The following HTR4 variants were observed in gnomAD, a reference collection of about 807,000 sequenced individuals.
HTR4 encodes 5-hydroxytryptamine receptor 4, also known as 5-hydroxytryptamine (serotonin) receptor 4, G protein-coupled.
HTR4 carries 16 observed loss-of-function variants against 36.8 expected under a neutral mutation model. That is an observed-to-expected ratio of 0.43 (90% CI 0.29 to 0.66). The LOEUF is 0.66. Ranked by LOEUF, HTR4 falls within the 30% of genes least tolerant of loss-of-function variation. HTR4 has a pLI of 0.13. For missense variants in HTR4, 438 were observed against 490.9 expected (o/e 0.89, Z 1.02); for synonymous variants, 189 against 185.1 (o/e 1.02, Z -0.17).
intron 5 of HTR4, chr5:148,461,724 AG>A (rs1755282866): frequency 6.6e-6 from 1 of 152,096 alleles, no homozygotes; most frequent in Non-Finnish European, 1.5e-5. Flanking sequence ...GCAGAAAATT[AG>A]TTAAGGGCAT....
In HTR4 at chr5:148,606,680, G is replaced by GT. The variant is rs1482495167; in HGVS notation, c.26+30308dup. 2.0e-5 allele frequency among the ~76,000 whole-genome samples: 3 copies of GT among 152,122 alleles called. No individual in the cohort carries two copies. The East Asian group carries it at 5.8e-4, about 29-fold the overall frequency. Reference sequence around the variant, plus strand: ...CATACATATTCAACTCTGTATGATGGTTAAAAACCAGCTTCTGAGTTATTT... The same window carrying GT: ...CATACATATTCAACTCTGTATGATGGTTTAAAAACCAGCTTCTGAGTTATTT... On this transcript the variant is annotated intron_variant, in intron 2 of 6. Transcript: ENST00000377888.
chr5:148,565,705 G>T (rs1434854764), intron 2 of HTR4, among the ~76,000 whole-genome samples: 6 of 152,148 alleles, frequency 3.9e-5, no homozygotes, highest in African/African-American at 1.4e-4. Context: ...GAAGATGAGG[G>T]AGTGAAGGTG....
At position 148,569,865 on chromosome 5, in the gene HTR4, T is replaced by A. The variant is rs750991797; in HGVS notation, c.27-19603A>T. Among the ~76,000 whole-genome samples the A allele has an allele frequency of 1.8e-4, 28 of 152,040 alleles. 1 individual carries two copies. Among genetic ancestry groups the A allele is most frequent in the Admixed American group, 1.5e-3 (23 of 15,244 alleles). On this transcript the variant is annotated intron_variant, in intron 2 of 6. Coordinates refer to ENST00000377888, the MANE Select transcript of HTR4 (RefSeq NM_000870.7). ...AATCATAAATATTTTGGGCAGGGTA[T>A]TGAAGATGATGGGAGACTTCTTCAT...
chr5:148,472,432 T>C (rs558127544), downstream of HTR4, among the ~76,000 whole-genome samples: 4 of 152,352 alleles, frequency 2.6e-5, no homozygotes, highest in African/African-American at 9.6e-5. Flanking sequence ...GACCCACGTG[T>C]CTTTGCCAAT....
intron 5 of HTR4, among the ~76,000 whole-genome samples, chr5:148,451,864 C>T (rs1159562202): frequency 6.6e-6 from 1 of 152,202 alleles, no homozygotes; most frequent in Non-Finnish European, 1.5e-5. Flanking sequence ...CATACAATTG[C>T]ACTCAATATC....
intron 4 of HTR4, among the ~76,000 whole-genome samples, chr5:148,543,178 G>GA (rs902840136): frequency 2.0e-5 from 3 of 152,052 alleles, no homozygotes; most frequent in African/African-American, 7.3e-5. Context: ...CCCAGCCTAA[G>GA]AAAAAAATCT....
rs77906151 is a variant in HTR4, at chr5:148,588,276, T to A, written c.27-38014A>T. Reference sequence around the variant, plus strand: ...CTTTAACAATTTTTAAAACAATTTCTAATTCTGAAATGTTCCAAAAAGTAC... The same window carrying A: ...CTTTAACAATTTTTAAAACAATTTCAAATTCTGAAATGTTCCAAAAAGTAC... On this transcript the variant is annotated intron_variant, in intron 2 of 6. Coordinates refer to ENST00000377888, the MANE Select transcript of HTR4 (RefSeq NM_000870.7). Among the ~76,000 whole-genome samples the A allele has an allele frequency of 1.6e-3, 251 of 152,318 alleles. 3 individuals are homozygous for A. The highest frequency in any genetic ancestry group is 5.7e-3 in the African/African-American group (236 of 41,568).
chr5:148,474,003 G>A (rs1581349042), downstream of HTR4, among the ~76,000 whole-genome samples: 1 of 151,948 alleles, frequency 6.6e-6, no homozygotes, highest in East Asian at 1.9e-4. Context: ...AGTCTTACAA[G>A]TTCAGTGTTT....
intron 6 of HTR4, chr5:148,484,194 C>T: frequency 1.3e-6 from 2 of 1,512,498 alleles, no homozygotes; most frequent in Admixed American, 1.9e-5. Flanking sequence ...TTAGTGTCAT[C>T]TGCCTTTTAG....
intron 2 of HTR4, among the ~76,000 whole-genome samples, chr5:148,563,565 G>A (rs1002235944): frequency 2.6e-5 from 4 of 152,118 alleles, no homozygotes; most frequent in African/African-American, 9.7e-5. Context: ...CTAGCACATA[G>A]TAGTGCTGTG....
At chr5:148,504,011 AC>A (rs1757059845) in intron 6 of HTR4, among the ~76,000 whole-genome samples, 1 of 152,224 alleles carries the variant, frequency 6.6e-6, no homozygotes, top group Non-Finnish European at 1.5e-5. Flanking sequence ...TTAGAGACCT[AC>A]AAAGAGACTT....
At chr5:148,495,016 A>C (rs948877921) in intron 6 of HTR4, among the ~76,000 whole-genome samples, 1 of 152,186 alleles carries the variant, frequency 6.6e-6, no homozygotes, top group African/African-American at 2.4e-5. Context: ...TTCTTTGGAA[A>C]GTGCTTGCAA....
At chr5:148,653,453 T>C (rs1023251157) in intron 1 of HTR4, among the ~76,000 whole-genome samples, 3 of 152,106 alleles carry the variant, frequency 2.0e-5, no homozygotes, top group Admixed American at 6.5e-5. Flanking sequence ...GAAATCGGGA[T>C]TGGGATTCTG....
At chr5:148,470,161 C>T (rs913533841) in intron 5 of HTR4, among the ~76,000 whole-genome samples, 9 of 152,184 alleles carry the variant, frequency 5.9e-5, no homozygotes, top group Non-Finnish European at 1.3e-4. Context: ...TTAATATTCA[C>T]AAGTATTTTT....
At chr5:148,565,108 T>TAA (rs75435936) in intron 2 of HTR4, among the ~76,000 whole-genome samples, 4 of 124,862 alleles carry the variant, frequency 3.2e-5, no homozygotes, top group Non-Finnish European at 3.5e-5. Context: ...AGACTCCATC[T>TAA]AAAAAAAAAA....
chr5:148,497,760 T>G (rs757002567), intron 6 of HTR4, among the ~76,000 whole-genome samples: 7 of 152,198 alleles, frequency 4.6e-5, no homozygotes, highest in African/African-American at 7.2e-5. Flanking sequence ...GAATCTGAGT[T>G]TGCACATTTG....
At chr5:148,619,633 T>C (rs1752841112) in intron 2 of HTR4, among the ~76,000 whole-genome samples, 1 of 152,114 alleles carries the variant, frequency 6.6e-6, no homozygotes. Flanking sequence ...CCACACAGCC[T>C]AGCCATCGAC....
chr5:148,478,725 G>A (rs1755785192), downstream of HTR4, among the ~76,000 whole-genome samples: 1 of 151,992 alleles, frequency 6.6e-6, no homozygotes, highest in Non-Finnish European at 1.5e-5. Flanking sequence ...TTATGTGATG[G>A]AATTCCAGGT....
chr5:148,491,003 G>A (rs765151250), intron 6 of HTR4, among the ~76,000 whole-genome samples: 18 of 152,144 alleles, frequency 1.2e-4, no homozygotes, highest in South Asian at 2.1e-4. Flanking sequence ...GTCAATTCCC[G>A]GTATAAGATG....
Sources: gnomAD v4.1 joint callset for allele counts (sites outside exome capture counted in the v4.1 genomes callset) on GRCh38, gnomAD v4.1.1 for gene constraint, MANE v1.5 for transcripts, NCBI Gene and HGNC (gene_info 2026-07-23, HGNC 2026-07-21) for gene names.